The following MAPKAP1 variants were observed in gnomAD, a reference collection of about 807,000 sequenced individuals.
The protein encoded by MAPKAP1 is target of rapamycin complex 2 subunit MAPKAP1.
Under a neutral mutation model 65.7 loss-of-function variants are expected in MAPKAP1, and 20 were observed. That is an observed-to-expected ratio of 0.30 (90% CI 0.21 to 0.44). The LOEUF (loss-of-function observed/expected upper bound fraction) is 0.44. MAPKAP1 is among the 20% of genes least tolerant of loss of function. The pLI, the probability that MAPKAP1 is intolerant of heterozygous loss-of-function variation, is 1.00. For missense variants in MAPKAP1, 423 were observed against 648.0 expected (o/e 0.65, Z 3.77); for synonymous variants, 222 against 244.3 (o/e 0.91, Z 0.85).
intron 1 of MAPKAP1, among the ~76,000 whole-genome samples, chr9:125,689,361 C>T (rs1835089144): frequency 7.2e-6 from 1 of 138,704 alleles, no homozygotes; most frequent in African/African-American, 2.7e-5. Context: ...GGCGTGAACC[C>T]GGGAGGCAGA....
chr9:125,547,093 T>C (rs995906473), intron 6 of MAPKAP1, among the ~76,000 whole-genome samples: 1 of 152,110 alleles, frequency 6.6e-6, no homozygotes, highest in Admixed American at 6.5e-5. Context: ...GAACGATGTA[T>C]GGGCATTTTA....
chr9:125,445,737 G>A (rs753013120), intron 10 of MAPKAP1, among the ~76,000 whole-genome samples: 1 of 152,258 alleles, frequency 6.6e-6, no homozygotes, highest in Non-Finnish European at 1.5e-5. Context: ...AGGCCCATGG[G>A]GGCTGCCCCG....
intron 7 of MAPKAP1, among the ~76,000 whole-genome samples, chr9:125,509,846 A>AG (rs1449274204): frequency 6.6e-6 from 1 of 152,150 alleles, no homozygotes; most frequent in Non-Finnish European, 1.5e-5. Flanking sequence ...AAAACAGGGG[A>AG]GTCAGGGAGT....
intron 4 of MAPKAP1, among the ~76,000 whole-genome samples, chr9:125,656,554 T>C (rs779936502): frequency 6.6e-6 from 1 of 151,946 alleles, no homozygotes; most frequent in Non-Finnish European, 1.5e-5. Flanking sequence ...GGAAACCTGC[T>C]GAATTGTAGG....
intron 4 of MAPKAP1, among the ~76,000 whole-genome samples, chr9:125,630,156 C>T (rs958204040): frequency 3.3e-5 from 5 of 152,108 alleles, no homozygotes; most frequent in African/African-American, 1.2e-4. Context: ...CAGGAACTCT[C>T]GCTCGGTCAC....
rs1312772408 is a variant in MAPKAP1 at position 125,672,386 on chromosome 9, G to A, written c.189C>T (p.Gly63=). 6.2e-7 allele frequency: 1 copy of A among 1,614,136 alleles called. No individual in the cohort carries two copies. Among genetic ancestry groups the A allele is most frequent in the South Asian group, 1.1e-5 (1 of 91,082 alleles). ...TATCGACTGACTGGGCATATACATAGCCCTGAGTCTCACCATTGCTTCCCT... is the reference window on the plus strand; with the variant it reads ...TATCGACTGACTGGGCATATACATAACCCTGAGTCTCACCATTGCTTCCCT... ...EIQGSNGETQ[G]YVYAQSVDIT... Residue 63 remains glycine, a synonymous_variant, in exon 2 of 12, where the codon GGC becomes GGT. Transcript: ENST00000265960.
chr9:125,505,362 T>A (rs572623025), intron 8 of MAPKAP1, among the ~76,000 whole-genome samples: 10 of 151,746 alleles, frequency 6.6e-5, no homozygotes, highest in Non-Finnish European at 1.5e-4. Flanking sequence ...GAGGTGGAGG[T>A]TGCAGTGAGC....
intron 5 of MAPKAP1, among the ~76,000 whole-genome samples, chr9:125,572,149 G>A (rs1831253972): frequency 6.6e-6 from 1 of 152,146 alleles, no homozygotes; most frequent in Non-Finnish European, 1.5e-5. Context: ...TTTTCCCAAG[G>A]CTTTAACTGG....
chr9:125,549,768 A>G (rs561384463), intron 6 of MAPKAP1, among the ~76,000 whole-genome samples: 1 of 152,208 alleles, frequency 6.6e-6, no homozygotes, highest in South Asian at 2.1e-4. Context: ...TAAGACACAG[A>G]TGTATTTGAG....
chr9:125,575,130 T>C (rs182336946), intron 5 of MAPKAP1, among the ~76,000 whole-genome samples: 7 of 152,332 alleles, frequency 4.6e-5, no homozygotes, highest in Admixed American at 4.6e-4. Context: ...GGCAGGATGA[T>C]TGCTTTAAGC....
intron 10 of MAPKAP1, among the ~76,000 whole-genome samples, chr9:125,455,396 C>G (rs765722003): frequency 2.6e-5 from 4 of 152,172 alleles, no homozygotes; most frequent in Non-Finnish European, 4.4e-5. Context: ...TTCACCTCTA[C>G]TCTCAGACAA....
intron 4 of MAPKAP1, among the ~76,000 whole-genome samples, chr9:125,627,059 T>G (rs576090680): frequency 6.6e-6 from 1 of 152,176 alleles, no homozygotes; most frequent in African/African-American, 2.4e-5. Context: ...AGGATTCAAT[T>G]TAAAAAATCA....
chr9:125,698,300 T>TATATATATATAAA (rs1835474874), intron 1 of MAPKAP1, among the ~76,000 whole-genome samples: 1 of 16,152 alleles, frequency 6.2e-5, no homozygotes, highest in African/African-American at 2.4e-4. Flanking sequence ...TATATATATA[T>TATATATATATAAA]ATATATATAT....
intron 6 of MAPKAP1, among the ~76,000 whole-genome samples, chr9:125,548,493 A>G (rs1830494204): frequency 6.6e-6 from 1 of 152,204 alleles, no homozygotes; most frequent in Non-Finnish European, 1.5e-5. Context: ...CTCTAGAATA[A>G]AGTGACCTGG....
intron 1 of MAPKAP1, among the ~76,000 whole-genome samples, chr9:125,673,482 T>A (rs1834555054): frequency 6.6e-6 from 1 of 152,192 alleles, no homozygotes; most frequent in South Asian, 2.1e-4. Context: ...CGCCTTGGCC[T>A]CCCAAAGTGC....
intron 7 of MAPKAP1, among the ~76,000 whole-genome samples, chr9:125,519,632 T>C (rs945103760): frequency 4.9e-5 from 7 of 141,856 alleles, no homozygotes; most frequent in African/African-American, 1.8e-4. Flanking sequence ...TTGTCTAATA[T>C]ATATACATAT....
intron 7 of MAPKAP1, among the ~76,000 whole-genome samples, chr9:125,508,413 G>C (rs1259465500): frequency 6.6e-6 from 1 of 152,142 alleles, no homozygotes; most frequent in African/African-American, 2.4e-5. Context: ...AACCTGGAGG[G>C]CTGCTTTCTA....
rs910077747 is a variant in MAPKAP1 at position 125,669,726 on chromosome 9, G to A, written c.349+92C>T. On this transcript the variant is annotated intron_variant, in intron 3 of 11. Coordinates refer to ENST00000265960, the MANE Select transcript of MAPKAP1 (RefSeq NM_001006617.3). ...AACACTAGAGGTATCTAAGTCCAGA[G>A]GATTTAAAAGGATGAATTAAAAATA... 8 of 610,114 alleles carry A rather than the reference G, an allele frequency of 1.3e-5. No homozygotes were observed. The African/African-American group carries it at 1.5e-4, about 12-fold the overall frequency. 37.8% of individuals were successfully genotyped at this position (610,114 alleles called of 1,614,324 possible).
At chr9:125,571,755 C>A (rs959966015) in intron 5 of MAPKAP1, among the ~76,000 whole-genome samples, 1 of 151,978 alleles carries the variant, frequency 6.6e-6, no homozygotes, top group Non-Finnish European at 1.5e-5. Context: ...CCCAGCTATT[C>A]GGGAGGCTGA....
Sources: allele counts gnomAD v4.1 joint callset (sites outside exome capture counted in the v4.1 genomes callset), GRCh38; gene constraint gnomAD v4.1.1; transcripts MANE v1.5; gene names NCBI Gene and HGNC (gene_info 2026-07-23, HGNC 2026-07-21).